Variants in DFFB observed in about 807,000 individuals in gnomAD.
DFFB encodes the protein DNA fragmentation factor 40 kDa subunit.
DFFB carries 29 observed loss-of-function variants against 32.7 expected under a neutral mutation model. The ratio of observed to expected loss-of-function variants is 0.89; its 90% CI spans 0.66 to 1.21. The LOEUF is 1.21. Ranked by LOEUF, DFFB falls within the 50% of genes most tolerant of loss-of-function variation. The pLI is 0.00. For missense variants in DFFB, 398 were observed against 440.6 expected (o/e 0.90, Z 0.87); for synonymous variants, 170 against 177.1 (o/e 0.96, Z 0.32).
At chr1:3,882,030 A>AAAC (rs1195504298) in intron 6 of DFFB, among the ~76,000 whole-genome samples, 6 of 111,180 alleles carry the variant, frequency 5.4e-5, no homozygotes, top group Admixed American at 8.1e-5. Flanking sequence ...TTTATAAGTG[A>AAAC]AACAACATCA....
intron 2 of DFFB, among the ~76,000 whole-genome samples, chr1:3,859,504 G>A (rs555625530): frequency 6.6e-6 from 1 of 152,316 alleles, no homozygotes; most frequent in African/African-American, 2.4e-5. Context: ...GGCCAGTGTT[G>A]TGCAAATGGG....
intron 5 of DFFB, among the ~76,000 whole-genome samples, chr1:3,870,019 C>T (rs1369966876): frequency 2.6e-5 from 4 of 152,342 alleles, no homozygotes; most frequent in South Asian, 2.1e-4. Flanking sequence ...GGGCTTGTCT[C>T]GGTAGTGCTG....
intron 5 of DFFB, among the ~76,000 whole-genome samples, chr1:3,870,604 A>G (rs958442608): frequency 5.9e-5 from 9 of 152,188 alleles, no homozygotes; most frequent in Admixed American, 3.9e-4. Flanking sequence ...AAAATCCTTC[A>G]TCCCTGATGG....
intron 4 of DFFB, among the ~76,000 whole-genome samples, chr1:3,869,222 G>A (rs1351711237): frequency 6.6e-6 from 1 of 152,220 alleles, no homozygotes; most frequent in Non-Finnish European, 1.5e-5. Flanking sequence ...ACCATGCCCA[G>A]CTAATTTTTT....
rs574147961 is a variant in DFFB at position 3,883,863 on chromosome 1, C to A, written c.*122C>A. 16 of 710,282 alleles carry A rather than the reference C, an allele frequency of 2.3e-5. No individual in the cohort carries two copies. In the South Asian group the frequency reaches 3.0e-4, roughly 13 times the overall value. 44.0% of individuals were successfully genotyped at this position (710,282 alleles called of 1,614,324 possible). Reference sequence around the variant, plus strand: ...CACTCCAGTAGCTCCTGGAAAAAACCTTAAAAAATGTTTCCTCCAAATCTG... The same window carrying A: ...CACTCCAGTAGCTCCTGGAAAAAACATTAAAAAATGTTTCCTCCAAATCTG... On this transcript the variant is annotated 3_prime_UTR_variant, in exon 7 of 7. Transcript: ENST00000378209.
intron 5 of DFFB, among the ~76,000 whole-genome samples, chr1:3,872,149 CA>C (rs781628438): frequency 9.2e-5 from 14 of 152,158 alleles, no homozygotes; most frequent in Non-Finnish European, 1.6e-4. Context: ...CGCGGTGGCT[CA>C]ACGCCTGTAA....
chr1:3,873,457 C>T (rs1434000832), intron 6 of DFFB, among the ~76,000 whole-genome samples: 1 of 151,338 alleles, frequency 6.6e-6, no homozygotes, highest in Non-Finnish European at 1.5e-5. Context: ...AGATGCTCAT[C>T]CGGGCATTTA....
intron 2 of DFFB, among the ~76,000 whole-genome samples, chr1:3,859,374 A>C (rs946154959): frequency 2.6e-5 from 4 of 152,168 alleles, no homozygotes; most frequent in Non-Finnish European, 5.9e-5. Context: ...CTCAGGACAC[A>C]AAGTCCTGCC....
intron 4 of DFFB, among the ~76,000 whole-genome samples, chr1:3,868,639 ACCAAGCCACACCACACCAGG>A (rs1351561207): frequency 4.0e-5 from 6 of 151,816 alleles, no homozygotes; most frequent in East Asian, 1.9e-4. Flanking sequence ...GCCACACCAC[ACCAAGCCACACCACACCAGG>A]CCACACCACA....
At chr1:3,868,619 A>G (rs1645034562) in intron 4 of DFFB, among the ~76,000 whole-genome samples, 1 of 152,028 alleles carries the variant, frequency 6.6e-6, no homozygotes. Context: ...ACCAGACCAC[A>G]CCACACCAGG....
intron 4 of DFFB, among the ~76,000 whole-genome samples, chr1:3,868,765 C>T (rs534285562): frequency 8.5e-5 from 13 of 152,286 alleles, no homozygotes; most frequent in African/African-American, 3.1e-4. Context: ...ATGGAGGGTG[C>T]TGTGGAGGCC....
rs533616576 is a variant in DFFB, at chr1:3,884,126, C to T, written c.*385C>T. The T allele has an allele frequency of 3.8e-4, 90 of 237,028 alleles. No homozygotes were observed. The highest frequency in any genetic ancestry group is 6.8e-4 in the Admixed American group (13 of 19,200). 14.7% of individuals were successfully genotyped at this position (237,028 alleles called of 1,614,324 possible). Reference sequence around the variant, plus strand: ...CTCAAACTCCTGACCTCAGGTGATCCGCCCACCTCAGCCTCCCAAAGTGCT... The same window carrying T: ...CTCAAACTCCTGACCTCAGGTGATCTGCCCACCTCAGCCTCCCAAAGTGCT... On this transcript the variant is annotated 3_prime_UTR_variant, in exon 7 of 7. Transcript: ENST00000378209.
intron 2 of DFFB, among the ~76,000 whole-genome samples, chr1:3,864,184 C>T (rs747129526): frequency 1.1e-4 from 16 of 152,184 alleles, no homozygotes; most frequent in Admixed American, 2.0e-4. Flanking sequence ...CCAGGATGGT[C>T]GCGATCTCCT....
At chr1:3,872,986 T>C in intron 6 of DFFB, 1 of 1,267,400 alleles carries the variant, frequency 7.9e-7, no homozygotes. Context: ...TAGGTAAGGG[T>C]GTTTTTCCCT....
At chr1:3,879,279 G>GT (rs773468029) in intron 6 of DFFB, among the ~76,000 whole-genome samples, 77 of 152,134 alleles carry the variant, frequency 5.1e-4, no homozygotes, top group Non-Finnish European at 1.0e-3. Context: ...TGCCTGTGCG[G>GT]TTTTCCGGGA....
At chr1:3,874,487 T>C (rs545057675) in intron 6 of DFFB, among the ~76,000 whole-genome samples, 5 of 32,624 alleles carry the variant, frequency 1.5e-4, no homozygotes, top group Non-Finnish European at 2.3e-4. Context: ...ACATACGTGG[T>C]GGCCCACGCT....
chr1:3,872,500 C>G lies in DFFB; in HGVS notation c.710C>G (p.Ser237Ter). Reference sequence around the variant, plus strand: ...CCCTTTGACATGGACAGCTGCTTATCAAGACACTCCATCAACCCCTACAGT... The same window carrying G: ...CCCTTTGACATGGACAGCTGCTTATGAAGACACTCCATCAACCCCTACAGT... Reference protein sequence around the residue: ...QGPFDMDSCLSRHSINPYSNR... With the variant: ...QGPFDMDSCL The change falls in exon 6 of 7, where the codon TCA becomes TGA. Residue 237 changes from serine to a stop codon, truncating the protein, a stop_gained. Coordinates refer to ENST00000378209, the MANE Select transcript of DFFB (RefSeq NM_004402.4). LOFTEE classifies it high-confidence loss of function. 6.2e-7 allele frequency: 1 copy of G among 1,614,078 alleles called. No individual in the cohort carries two copies. The highest frequency in any genetic ancestry group is 8.5e-7 in the Non-Finnish European group (1 of 1,179,994).
At position 3,876,858 on chromosome 1, in the gene DFFB, C is replaced by T. The variant is rs573882718; in HGVS notation, c.782+4286C>T. On this transcript the variant is annotated intron_variant, in intron 6 of 6. Transcript: ENST00000378209. ...TCCCTCTCGGGCTGAAGGGCGCGGG[C>T]CCTGGGGCTCAGCCTGTCCGAGGAA... 3.3e-4 allele frequency among the ~76,000 whole-genome samples: 50 copies of T among 152,382 alleles called. 1 individual carries two copies. The highest frequency in any genetic ancestry group is 1.2e-3 in the African/African-American group (49 of 41,604).
intron 6 of DFFB, chr1:3,873,034 GC>G: frequency 1.6e-6 from 2 of 1,242,874 alleles, no homozygotes; most frequent in South Asian, 1.3e-5. Flanking sequence ...TTGCTCTGTG[GC>G]CCAGGCTAAA....
Sources: gnomAD v4.1 joint callset for allele counts (sites outside exome capture counted in the v4.1 genomes callset) on GRCh38, gnomAD v4.1.1 for gene constraint, MANE v1.5 for transcripts, NCBI Gene and HGNC (gene_info 2026-07-23, HGNC 2026-07-21) for gene names.